Variants in CHST8 observed in about 807,000 individuals in gnomAD.
The protein encoded by CHST8 is carbohydrate sulfotransferase 8.
In CHST8, 10 loss-of-function variants were observed where a neutral mutation model predicts 15.0. The ratio of observed to expected loss-of-function variants is 0.67; its 90% CI spans 0.41 to 1.13. The LOEUF is 1.13. CHST8 is among the 50% of genes most tolerant of loss of function. The pLI is 0.00. For synonymous variants in CHST8, 259 were observed against 256.6 expected, an observed-to-expected ratio of 1.01 and a Z score of -0.09; for missense variants, 634 against 608.2, an observed-to-expected ratio of 1.04 and a Z score of -0.45.
chr19:33,769,248 G>A (rs192070665), intron 3 of CHST8, among the ~76,000 whole-genome samples: 9 of 152,326 alleles, frequency 5.9e-5, no homozygotes, highest in South Asian at 2.1e-4. Context: ...TCTTCCCCCC[G>A]ACTGGCAGGA....
chr19:33,771,888 C>G, intron 4 of CHST8, 69 bp from the exon 5 acceptor site: 1 of 1,502,402 alleles, frequency 6.7e-7, no homozygotes. Context: ...TGGTGAGAGC[C>G]TGACCTGTGT....
chr19:33,734,220 A>G (rs1388969965), intron 3 of CHST8, among the ~76,000 whole-genome samples: 1 of 152,224 alleles, frequency 6.6e-6, no homozygotes, highest in Admixed American at 6.5e-5. Context: ...CACTCCCACC[A>G]GCGCCATGAC....
chr19:33,639,182 T>C (rs1972245714), intron 1 of CHST8, among the ~76,000 whole-genome samples: 1 of 151,660 alleles, frequency 6.6e-6, no homozygotes, highest in Non-Finnish European at 1.5e-5. Context: ...CCCAAACTGC[T>C]GCCATTCGAG....
chr19:33,744,659 G>C (rs542955000), intron 3 of CHST8, among the ~76,000 whole-genome samples: 1 of 152,002 alleles, frequency 6.6e-6, no homozygotes, highest in Non-Finnish European at 1.5e-5. Context: ...TGAACTCTTC[G>C]GCTCAAGCAA....
intron 3 of CHST8, among the ~76,000 whole-genome samples, chr19:33,696,842 G>GTTT (rs554321176): frequency 4.2e-5 from 6 of 141,982 alleles, no homozygotes; most frequent in Admixed American, 7.1e-5. Context: ...TGTTTTTTAA[G>GTTT]TTTTTTTTTT....
chr19:33,657,153 AC>A (rs1972518927), intron 1 of CHST8, among the ~76,000 whole-genome samples: 5 of 147,284 alleles, frequency 3.4e-5, no homozygotes, highest in Non-Finnish European at 5.9e-5. Flanking sequence ...ACACACACAC[AC>A]ACAAACACAC....
intron 3 of CHST8, among the ~76,000 whole-genome samples, chr19:33,753,505 T>C: frequency 1.5e-5 from 1 of 68,892 alleles, no homozygotes; most frequent in Non-Finnish European, 2.7e-5. Context: ...CCCCCCTCCA[T>C]CCTCCACCAT....
intron 2 of CHST8, among the ~76,000 whole-genome samples, chr19:33,675,490 CTG>C (rs888067396): frequency 3.9e-5 from 6 of 152,244 alleles, no homozygotes; most frequent in African/African-American, 1.4e-4. Context: ...GCTGGGTTTT[CTG>C]TTTCTCGCTT....
At chr19:33,664,771 C>G (rs1181420805) in intron 1 of CHST8, among the ~76,000 whole-genome samples, 1 of 152,072 alleles carries the variant, frequency 6.6e-6, no homozygotes, top group Non-Finnish European at 1.5e-5. Context: ...TTCCCAGCCT[C>G]TGGTTACTGC....
rs1448140670 is a variant in CHST8 at position 33,685,611 on chromosome 19, T to C, written c.-86-3565T>C. 2.6e-5 allele frequency among the ~76,000 whole-genome samples: 4 copies of C among 152,102 alleles called. No individual in the cohort carries two copies. In the East Asian group the frequency reaches 7.7e-4, roughly 29 times the overall value. ...CTTGTCATCGGAGCTGAGAGTGATA[T>C]AGTCTGTGATGAGGATGGGACAGTC... On this transcript the variant is annotated intron_variant, in intron 2 of 4. Transcript: ENST00000650847.
chr19:33,632,894 G>A (rs1023262967), intron 1 of CHST8, among the ~76,000 whole-genome samples: 103 of 151,584 alleles, frequency 6.8e-4, no homozygotes, highest in African/African-American at 2.4e-3. Context: ...TCAGCCTCCC[G>A]AGTAGCTGGG....
Position 33,773,162 on chromosome 19 carries a change from C to A in CHST8, c.*99C>A, listed in dbSNP as rs1599650927. On this transcript the variant is annotated 3_prime_UTR_variant, in exon 5 of 5. Coordinates refer to ENST00000650847, the MANE Select transcript of CHST8 (RefSeq NM_001127895.2). Reference sequence around the variant, plus strand: ...GCTCCTCATCCTGGGAGCAACAGGGCTCTGAGGACGTGAGGAGCCATCGCT... The same window carrying A: ...GCTCCTCATCCTGGGAGCAACAGGGATCTGAGGACGTGAGGAGCCATCGCT... 15 of 1,343,900 alleles carry A rather than the reference C, an allele frequency of 1.1e-5. No individual in the cohort carries two copies. The highest frequency in any genetic ancestry group is 5.2e-5 in the Admixed American group (2 of 38,150). The allele number at this position is 1,343,900 out of a possible 1,614,324, so 83.2% of individuals were successfully genotyped here.
At chr19:33,649,146 T>C (rs1249408324) in intron 1 of CHST8, among the ~76,000 whole-genome samples, 1 of 151,998 alleles carries the variant, frequency 6.6e-6, no homozygotes, top group East Asian at 1.9e-4. Context: ...TCAATTGATC[T>C]GCCCACCTCA....
intron 3 of CHST8, among the ~76,000 whole-genome samples, chr19:33,721,589 TATGG>T (rs113422475): frequency 1.6e-5 from 2 of 125,668 alleles, no homozygotes; most frequent in Non-Finnish European, 3.2e-5. Flanking sequence ...TGAGTGGGCA[TATGG>T]ATGGATGGAT....
intron 1 of CHST8, among the ~76,000 whole-genome samples, chr19:33,644,254 T>C (rs1406335878): frequency 6.6e-6 from 1 of 152,166 alleles, no homozygotes; most frequent in Non-Finnish European, 1.5e-5. Context: ...ATTATTATTA[T>C]ACTGGGTCTT....
chr19:33,747,159 G>A (rs1974330586), intron 3 of CHST8, among the ~76,000 whole-genome samples: 1 of 152,192 alleles, frequency 6.6e-6, no homozygotes, highest in South Asian at 2.1e-4. Flanking sequence ...GAACGAGGGG[G>A]CAGATTTGTG....
chr19:33,767,251 T>G (rs889760866), intron 3 of CHST8, among the ~76,000 whole-genome samples: 5 of 152,186 alleles, frequency 3.3e-5, no homozygotes, highest in Admixed American at 1.3e-4. Flanking sequence ...AAAAGGCTGC[T>G]CCCCAGTTAC....
chr19:33,707,117 G>T (rs1568336696), intron 3 of CHST8, among the ~76,000 whole-genome samples: 1 of 152,100 alleles, frequency 6.6e-6, no homozygotes, highest in Non-Finnish European at 1.5e-5. Context: ...TAAAGTGCAG[G>T]TCAGAGTTCA....
chr19:33,631,901 C>T (rs188887257), intron 1 of CHST8, among the ~76,000 whole-genome samples: 32 of 152,312 alleles, frequency 2.1e-4, no homozygotes, highest in Admixed American at 8.5e-4. Flanking sequence ...ATCCACAAAA[C>T]GGGGTTAACA....
Sources: gnomAD v4.1 joint callset for allele counts (sites outside exome capture counted in the v4.1 genomes callset) on GRCh38, gnomAD v4.1.1 for gene constraint, MANE v1.5 for transcripts, NCBI Gene and HGNC (gene_info 2026-07-23, HGNC 2026-07-21) for gene names.